The following TM9SF2 variants were observed in gnomAD, a reference collection of about 807,000 sequenced individuals.
TM9SF2 encodes transmembrane 9 superfamily member 2, also known as 76 kDa membrane protein.
In TM9SF2, 13 loss-of-function variants were observed where a neutral mutation model predicts 84.9. The observed-to-expected ratio is 0.15, with a 90% CI of 0.10 to 0.24. TM9SF2 has a LOEUF of 0.24. Ranked by LOEUF, TM9SF2 falls within the 10% of genes least tolerant of loss-of-function variation. The probability of loss-of-function intolerance (pLI) is 1.00; values close to 1 mark genes in which losing one functional copy is unlikely to be tolerated. For missense variants in TM9SF2, 562 were observed against 818.5 expected (o/e 0.69, Z 3.82); for synonymous variants, 273 against 285.8 (o/e 0.96, Z 0.45).
chr13:99,506,791 G>T (rs1307293714), intron 1 of TM9SF2, among the ~76,000 whole-genome samples: 3 of 152,178 alleles, frequency 2.0e-5, no homozygotes, highest in African/African-American at 7.2e-5. Flanking sequence ...GCACTACAGA[G>T]ATTGGTCTGT....
chr13:99,530,994 G>A (rs1274114525), intron 4 of TM9SF2, among the ~76,000 whole-genome samples: 1 of 151,814 alleles, frequency 6.6e-6, no homozygotes. Flanking sequence ...CTGAGTAGCT[G>A]GGATTACATG....
chr13:99,524,416 CTG>C (rs1476536095), intron 3 of TM9SF2, among the ~76,000 whole-genome samples: 1 of 151,928 alleles, frequency 6.6e-6, no homozygotes, highest in African/African-American at 2.4e-5. Flanking sequence ...ATGGGGCAGT[CTG>C]TGGGAAGAGC....
At chr13:99,532,660 T>G (rs1407571092) in intron 4 of TM9SF2, among the ~76,000 whole-genome samples, 1 of 152,202 alleles carries the variant, frequency 6.6e-6, no homozygotes, top group African/African-American at 2.4e-5. Flanking sequence ...GAAGCAGTTC[T>G]TCAGTAGCCT....
rs2046354324 is a variant in TM9SF2 at position 99,563,884 on chromosome 13, G to A, written c.*1126G>A. The A allele has an allele frequency of 6.6e-6, 1 of 152,110 alleles. No homozygotes were observed. The allele number at this position is 152,110 out of a possible 1,614,324, so 9.4% of individuals were successfully genotyped here. On this transcript the variant is annotated 3_prime_UTR_variant, in exon 17 of 17. Coordinates refer to ENST00000376387, the MANE Select transcript of TM9SF2 (RefSeq NM_004800.3). ...CATTTATGTAGAATATAGGAATGGG[G>A]GGTGATTCTGAAGTATCGGTCTGCT...
In TM9SF2 at chr13:99,501,570, C is replaced by A; in HGVS notation, c.-37C>A. ...CCCCACCCCTCCTTCCCTCTTGACC[C>A]CCTAGGTTTGATTGCCCTTTCCCCG... On this transcript the variant is annotated 5_prime_UTR_variant, in exon 1 of 17. Transcript: ENST00000376387. The A allele has an allele frequency of 6.2e-7, 1 of 1,606,338 alleles. No individual in the cohort carries two copies. Among genetic ancestry groups the A allele is most frequent in the Non-Finnish European group, 8.5e-7 (1 of 1,176,834 alleles).
chr13:99,515,111 G>C (rs570559018), intron 1 of TM9SF2, among the ~76,000 whole-genome samples: 1 of 152,306 alleles, frequency 6.6e-6, no homozygotes, highest in South Asian at 2.1e-4. Flanking sequence ...GTAGCAAGAG[G>C]GACATGGCTT....
At chr13:99,503,086 T>C (rs2046073719) in intron 1 of TM9SF2, among the ~76,000 whole-genome samples, 2 of 152,214 alleles carry the variant, frequency 1.3e-5, no homozygotes, top group Non-Finnish European at 2.9e-5. Flanking sequence ...TTTCACTCCT[T>C]TTTGAGGATT....
chr13:99,551,492 C>G (rs1377110486), intron 12 of TM9SF2, among the ~76,000 whole-genome samples: 1 of 152,210 alleles, frequency 6.6e-6, no homozygotes, highest in Non-Finnish European at 1.5e-5. Context: ...TATGGAAGAG[C>G]ATCTTCATGG....
intron 1 of TM9SF2, among the ~76,000 whole-genome samples, chr13:99,503,687 G>A (rs893179621): frequency 7.5e-6 from 1 of 134,136 alleles, no homozygotes; most frequent in Admixed American, 8.1e-5. Context: ...TCCAGCCTGG[G>A]CAACAGAGCG....
At chr13:99,553,896 T>G (rs1397754550) in intron 13 of TM9SF2, among the ~76,000 whole-genome samples, 1 of 152,232 alleles carries the variant, frequency 6.6e-6, no homozygotes, top group Non-Finnish European at 1.5e-5. Flanking sequence ...AAGATGACAT[T>G]GCGCACCTCC....
Position 99,501,488 on chromosome 13 carries a change from G to A in TM9SF2, c.-119G>A, listed in dbSNP as rs946146168. ...GTGTCTCCTAGCGCAACCGGAACTA[G>A]CCTTCTGGGGGCCGGCTTCCTTTAT... is the stretch of plus-strand genomic sequence containing the variant. On this transcript the variant is annotated 5_prime_UTR_variant, in exon 1 of 17. Coordinates refer to ENST00000376387, the MANE Select transcript of TM9SF2 (RefSeq NM_004800.3). 3 of 1,335,804 alleles carry A rather than the reference G, an allele frequency of 2.2e-6. No homozygotes were observed. Among genetic ancestry groups the A allele is most frequent in the Non-Finnish European group, 3.0e-6 (3 of 984,722 alleles). The allele number at this position is 1,335,804 out of a possible 1,614,324, so 82.7% of individuals were successfully genotyped here.
chr13:99,549,787 T>C (rs986568331), intron 12 of TM9SF2, among the ~76,000 whole-genome samples: 1 of 152,188 alleles, frequency 6.6e-6, no homozygotes. Context: ...TGCACATTTC[T>C]GGTGGGCAAG....
chr13:99,560,242 G>A (rs192176296), intron 16 of TM9SF2, among the ~76,000 whole-genome samples: 282 of 152,264 alleles, frequency 1.9e-3, no homozygotes, highest in Non-Finnish European at 3.1e-3. Context: ...GGAAGAAAAT[G>A]CAGGAGCCAA....
At chr13:99,533,662 T>TTTG (rs1270976722) in intron 4 of TM9SF2, among the ~76,000 whole-genome samples, 2 of 152,114 alleles carry the variant, frequency 1.3e-5, no homozygotes, top group Non-Finnish European at 2.9e-5. Flanking sequence ...TATTTTTTTA[T>TTTG]TTGTTGTTGT....
chr13:99,537,996 G>C, intron 6 of TM9SF2, 133 bp downstream of exon 6: 1 of 1,271,882 alleles, frequency 7.9e-7, no homozygotes, highest in East Asian at 2.8e-5. Flanking sequence ...CCTTTGGCAT[G>C]ATTTGTTATT....
At chr13:99,550,055 C>G (rs546541200) in intron 12 of TM9SF2, among the ~76,000 whole-genome samples, 1 of 152,216 alleles carries the variant, frequency 6.6e-6, no homozygotes, top group Non-Finnish European at 1.5e-5. Context: ...ACGAAGGTGT[C>G]CGTCCTTACC....
At chr13:99,549,069 T>C in intron 11 of TM9SF2, 96 bp from the exon 12 acceptor site, 1 of 965,434 alleles carries the variant, frequency 1.0e-6, no homozygotes, top group Non-Finnish European at 1.6e-6. Context: ...TACTCATTGC[T>C]GTCTGACAGT....
chr13:99,521,148 TA>T (rs1457978843), intron 3 of TM9SF2, among the ~76,000 whole-genome samples: 2 of 152,200 alleles, frequency 1.3e-5, no homozygotes, highest in African/African-American at 2.4e-5. Flanking sequence ...TATCACCATA[TA>T]AAAAAATTAA....
intron 1 of TM9SF2, among the ~76,000 whole-genome samples, chr13:99,510,033 A>G (rs1256619273): frequency 2.6e-5 from 4 of 152,166 alleles, no homozygotes; most frequent in Admixed American, 6.5e-5. Flanking sequence ...TTCTTCTACC[A>G]TATATACTAG....
Sources: gnomAD v4.1 joint callset for allele counts (sites outside exome capture counted in the v4.1 genomes callset) on GRCh38, gnomAD v4.1.1 for gene constraint, MANE v1.5 for transcripts, NCBI Gene and HGNC (gene_info 2026-07-23, HGNC 2026-07-21) for gene names.